IQSEC1: variants seen among roughly 807,000 people sequenced by gnomAD.
IQSEC1 encodes the protein IQ motif and Sec7 domain ArfGEF 1.
IQSEC1 carries 31 observed loss-of-function variants against 91.0 expected under a neutral mutation model. The ratio of observed to expected loss-of-function variants is 0.34; its 90% confidence interval spans 0.26 to 0.46. IQSEC1 has a LOEUF of 0.46. Among genes scored for constraint, IQSEC1 ranks in the 20% least tolerant of loss-of-function variants. The pLI is 1.00. For synonymous variants in IQSEC1, 699 were observed against 662.6 expected (o/e 1.05, Z -0.84); for missense variants, 1,388 against 1,575.6 (o/e 0.88, Z 2.02).
At chr3:12,968,812 C>A (rs936855188) in intron 1 of IQSEC1, among the ~76,000 whole-genome samples, 4 of 152,330 alleles carry the variant, frequency 2.6e-5, no homozygotes, top group South Asian at 2.1e-4. Flanking sequence ...AGCTGGCAGG[C>A]CTACGGGAGT....
At chr3:13,031,951 T>C (rs1256093075) in intron 1 of IQSEC1, among the ~76,000 whole-genome samples, 2 of 152,140 alleles carry the variant, frequency 1.3e-5, no homozygotes, top group Non-Finnish European at 2.9e-5. Context: ...TTTAAAACTT[T>C]AGATACTGAG....
intron 2 of IQSEC1, among the ~76,000 whole-genome samples, chr3:13,087,521 C>T (rs1002961925): frequency 7.9e-5 from 12 of 152,192 alleles, no homozygotes; most frequent in African/African-American, 2.4e-4. Context: ...AATCCCAAAC[C>T]TTGACAGCCG....
At chr3:13,119,840 A>G (rs1204130050) in intron 2 of IQSEC1, among the ~76,000 whole-genome samples, 1 of 151,582 alleles carries the variant, frequency 6.6e-6, no homozygotes, top group East Asian at 1.9e-4. Flanking sequence ...CACTGTCTCT[A>G]TTTTCTCCAG....
At chr3:13,055,908 G>C (rs1280416422) in intron 1 of IQSEC1, among the ~76,000 whole-genome samples, 2 of 152,116 alleles carry the variant, frequency 1.3e-5, no homozygotes, top group Non-Finnish European at 2.9e-5. Context: ...TGAAGGCCTG[G>C]CTTGCATAGA....
chr3:13,174,833 T>TCCCCCCCCCCCCCCCCCC (rs754194155), intron 1 of IQSEC1, among the ~76,000 whole-genome samples: 1 of 112,712 alleles, frequency 8.9e-6, no homozygotes, highest in Non-Finnish European at 1.9e-5. Flanking sequence ...GTCTTTCTGC[T>TCCCCCCCCCCCCCCCCCC]CCCCCCCCCC....
At chr3:13,166,591 C>A (rs964333674) in intron 1 of IQSEC1, among the ~76,000 whole-genome samples, 14 of 152,206 alleles carry the variant, frequency 9.2e-5, no homozygotes, top group African/African-American at 1.9e-4. Context: ...ATGATAGCAA[C>A]AATTGGCCCC....
intron 2 of IQSEC1, among the ~76,000 whole-genome samples, chr3:13,137,681 G>A (rs1706732530): frequency 6.6e-6 from 1 of 152,150 alleles, no homozygotes; most frequent in Admixed American, 6.5e-5. Context: ...ACAAAGAAGG[G>A]GCACAGTGGC....
upstream of IQSEC1, among the ~76,000 whole-genome samples, chr3:13,077,948 G>A (rs367654826): frequency 4.6e-5 from 7 of 152,218 alleles, no homozygotes; most frequent in East Asian, 1.9e-4. Flanking sequence ...TGAAAGCCAC[G>A]AGGGCTGGCA....
intron 3 of IQSEC1, among the ~76,000 whole-genome samples, chr3:12,930,596 C>A (rs145634739): frequency 1.0e-3 from 152 of 152,346 alleles, no homozygotes; most frequent in Middle Eastern, 6.8e-3. Context: ...GCCTGGGGTT[C>A]TCTGATGGCC....
In IQSEC1 at chr3:12,920,517, T is replaced by C; in HGVS notation, c.1933A>G (p.Ile645Val). Residue 645 changes from isoleucine (I) to valine (V), a missense_variant, in exon 6 of 14, where the codon ATC becomes GTC. Around this residue, in one of 2 missense-constraint regions of IQSEC1, gnomAD observed 1,059 missense variants for 1,317.8 expected, o/e 0.80. Coordinates refer to ENST00000613206, the MANE Select transcript of IQSEC1 (RefSeq NM_001134382.3). ...TACATGTCGGTGTTCAGCAGGATGA[T>C]GGCGAAGGCCAGGATGAAAATGGTG... is the stretch of plus-strand genomic sequence containing the variant. ...PDTIFILAFA[I>V]ILLNTDMYSP... The C allele has an allele frequency of 1.2e-6, 2 of 1,614,212 alleles. No individual in the cohort carries two copies. Among genetic ancestry groups the C allele is most frequent in the Non-Finnish European group, 8.5e-7 (1 of 1,180,024 alleles).
intron 1 of IQSEC1, among the ~76,000 whole-genome samples, chr3:13,249,167 CTTTT>C (rs60976247): frequency 0.017 from 1,770 of 106,630 alleles, 36 homozygotes; most frequent in African/African-American, 0.058. Flanking sequence ...GAAGGAATTT[CTTTT>C]TTTTTTTTTT....
At chr3:12,955,722 C>T (rs1011450436) in intron 1 of IQSEC1, among the ~76,000 whole-genome samples, 4 of 152,220 alleles carry the variant, frequency 2.6e-5, no homozygotes, top group African/African-American at 7.2e-5. Flanking sequence ...TTTATTCTCC[C>T]GAGCGCCACC....
intron 1 of IQSEC1, among the ~76,000 whole-genome samples, chr3:13,174,549 C>T (rs1050521996): frequency 6.6e-6 from 1 of 152,156 alleles, no homozygotes; most frequent in Admixed American, 6.5e-5. Flanking sequence ...TCTGTATCTT[C>T]CACACCCTGC....
At position 13,049,003 on chromosome 3, in the gene IQSEC1, C is replaced by T. The variant is rs907964145; in HGVS notation, c.23+23989G>A. On this transcript the variant is annotated intron_variant, in intron 1 of 13. Coordinates refer to ENST00000613206, the MANE Select transcript of IQSEC1 (RefSeq NM_001134382.3). The stretch of plus-strand genomic sequence containing the variant: ...GAAGACATGAGGGGTGGTGCCAAGA[C>T]GCTGTGAGCTCACTTCCTGGACTGG... 7.2e-5 allele frequency among the ~76,000 whole-genome samples: 11 copies of T among 152,328 alleles called. No homozygotes were observed. In the East Asian group the frequency reaches 1.2e-3, roughly 16 times the overall value.
chr3:13,012,863 C>T (rs1406928524), intron 1 of IQSEC1, among the ~76,000 whole-genome samples: 2 of 152,016 alleles, frequency 1.3e-5, no homozygotes, highest in African/African-American at 2.4e-5. Context: ...GCTACTAAGA[C>T]AGCCCTCACT....
At chr3:13,007,553 T>A (rs1310554079) in intron 1 of IQSEC1, among the ~76,000 whole-genome samples, 1 of 152,218 alleles carries the variant, frequency 6.6e-6, no homozygotes, top group African/African-American at 2.4e-5. Flanking sequence ...CTTGCCTCAG[T>A]TTCCCCCCCT....
intron 1 of IQSEC1, among the ~76,000 whole-genome samples, chr3:13,237,546 C>A (rs929436830): frequency 5.9e-5 from 9 of 152,182 alleles, no homozygotes; most frequent in African/African-American, 2.2e-4. Flanking sequence ...GGCCCCGGTT[C>A]CCCCACAGAC....
chr3:13,165,695 C>G (rs1030795218), intron 1 of IQSEC1, among the ~76,000 whole-genome samples: 9 of 151,922 alleles, frequency 5.9e-5, no homozygotes, highest in African/African-American at 2.2e-4. Flanking sequence ...CCTGAGCCCC[C>G]TGCCACCAAC....
At chr3:12,917,801 CTA>C (rs1696246595) in intron 6 of IQSEC1, among the ~76,000 whole-genome samples, 2 of 152,222 alleles carry the variant, frequency 1.3e-5, no homozygotes, top group African/African-American at 2.4e-5. Context: ...GGCTTTCAAA[CTA>C]TGTGAATATC....
Sources: allele counts gnomAD v4.1 joint callset (sites outside exome capture counted in the v4.1 genomes callset), GRCh38; gene constraint gnomAD v4.1.1; regional missense constraint gnomAD v4.1.1; transcripts MANE v1.5; gene names NCBI Gene and HGNC (gene_info 2026-07-23, HGNC 2026-07-21).